Variants in RGS10 observed in about 807,000 individuals in gnomAD.
RGS10 encodes regulator of G-protein signalling 10.
RGS10 carries 11 observed loss-of-function variants against 23.5 expected under a neutral mutation model. The observed-to-expected ratio is 0.47, with a 90% CI of 0.29 to 0.77. RGS10 has a LOEUF of 0.77. Among genes scored for constraint, RGS10 ranks in the 30% least tolerant of loss-of-function variants. The probability of loss-of-function intolerance (pLI) is 0.08; values close to 1 mark genes in which losing one functional copy is unlikely to be tolerated. For synonymous variants in RGS10, 77 were observed against 83.2 expected (o/e 0.92, Z 0.41); for missense variants, 180 against 226.3 (o/e 0.80, Z 1.31).
chr10:119,511,495 T>A (rs980954874), intron 4 of RGS10, among the ~76,000 whole-genome samples: 2 of 152,120 alleles, frequency 1.3e-5, no homozygotes, highest in African/African-American at 4.8e-5. Flanking sequence ...GACATACGCC[T>A]GTAATCCCAG....
At chr10:119,522,954 T>G (rs948925874) in intron 3 of RGS10, among the ~76,000 whole-genome samples, 1 of 151,720 alleles carries the variant, frequency 6.6e-6, no homozygotes, top group Admixed American at 6.6e-5. Context: ...CATACCTCAC[T>G]GCAGCCTTGA....
chr10:119,531,640 C>T (rs903909560), intron 1 of RGS10, among the ~76,000 whole-genome samples: 1 of 152,150 alleles, frequency 6.6e-6, no homozygotes, highest in Non-Finnish European at 1.5e-5. Flanking sequence ...CCACCTCCCC[C>T]ACCACCTCAT....
chr10:119,506,046 G>A (rs919016489), intron 4 of RGS10, among the ~76,000 whole-genome samples: 3 of 152,188 alleles, frequency 2.0e-5, no homozygotes, highest in Non-Finnish European at 4.4e-5. Flanking sequence ...TCTAGAATGC[G>A]TCCTCTCTTC....
chr10:119,534,098 T>C (rs994982626), intron 1 of RGS10, among the ~76,000 whole-genome samples: 1 of 149,900 alleles, frequency 6.7e-6, no homozygotes, highest in African/African-American at 2.5e-5. Flanking sequence ...CTACAAAAAA[T>C]ACAAAAATTA....
chr10:119,533,289 G>A (rs1257518596), intron 1 of RGS10, among the ~76,000 whole-genome samples: 1 of 150,734 alleles, frequency 6.6e-6, no homozygotes, highest in African/African-American at 2.4e-5. Flanking sequence ...CTGAGATTGC[G>A]CCACTGCACT....
intron 3 of RGS10, among the ~76,000 whole-genome samples, chr10:119,520,775 G>A (rs1401470642): frequency 6.8e-6 from 1 of 146,428 alleles, no homozygotes; most frequent in Non-Finnish European, 1.5e-5. Context: ...AACTCAATAG[G>A]AGGATCTGAA....
intron 2 of RGS10, among the ~76,000 whole-genome samples, chr10:119,526,948 A>G (rs2133956642): frequency 6.6e-6 from 1 of 152,140 alleles, no homozygotes; most frequent in East Asian, 1.9e-4. Context: ...ATGCATTCTG[A>G]GAATCCCCCA....
intron 4 of RGS10, among the ~76,000 whole-genome samples, chr10:119,509,196 A>G (rs1012168506): frequency 4.6e-5 from 7 of 152,242 alleles, no homozygotes; most frequent in African/African-American, 1.7e-4. Context: ...TCAGGAGTTC[A>G]TAAATACCTT....
chr10:119,525,714 T>A (rs1483178474), intron 3 of RGS10, among the ~76,000 whole-genome samples: 1 of 152,216 alleles, frequency 6.6e-6, no homozygotes, highest in Non-Finnish European at 1.5e-5. Context: ...TCCAAAATGC[T>A]AACATGTCAA....
At chr10:119,537,742 G>A (rs1172414149) in intron 1 of RGS10, among the ~76,000 whole-genome samples, 1 of 152,170 alleles carries the variant, frequency 6.6e-6, no homozygotes, top group African/African-American at 2.4e-5. Flanking sequence ...TTCTTCACTA[G>A]TCCACAAATA....
chr10:119,519,201 C>T (rs1416294272), intron 3 of RGS10, among the ~76,000 whole-genome samples: 3 of 152,282 alleles, frequency 2.0e-5, no homozygotes, highest in African/African-American at 4.8e-5. Flanking sequence ...CTCAGCATTG[C>T]GACTTTCTTC....
intron 3 of RGS10, among the ~76,000 whole-genome samples, chr10:119,523,426 A>G (rs1215486018): frequency 6.6e-6 from 1 of 152,212 alleles, no homozygotes; most frequent in Non-Finnish European, 1.5e-5. Flanking sequence ...GCACTTTGGA[A>G]GGCCAAGACA....
At chr10:119,502,203 G>A (rs7901864) in intron 4 of RGS10, among the ~76,000 whole-genome samples, 14,849 of 152,076 alleles carry the variant, frequency 0.098, 950 homozygotes, top group East Asian at 0.18. Flanking sequence ...GGTGGGGGAT[G>A]AGAAACGCCA....
At chr10:119,519,815 C>T (rs561644752) in intron 3 of RGS10, among the ~76,000 whole-genome samples, 26 of 152,208 alleles carry the variant, frequency 1.7e-4, no homozygotes, top group Non-Finnish European at 3.2e-4. Context: ...CTGTCCCCTC[C>T]GTGAATTCTG....
At chr10:119,540,214 T>TCTTC (rs950734974) in intron 1 of RGS10, among the ~76,000 whole-genome samples, 4 of 151,908 alleles carry the variant, frequency 2.6e-5, no homozygotes, top group Non-Finnish European at 5.9e-5. Flanking sequence ...TAGTGGCTGA[T>TCTTC]CTTCCTTCCT....
At chr10:119,526,333 A>G (rs1844272446) in intron 2 of RGS10, among the ~76,000 whole-genome samples, 1 of 152,236 alleles carries the variant, frequency 6.6e-6, no homozygotes, top group African/African-American at 2.4e-5. Flanking sequence ...TGACATTGTA[A>G]AGAAGAGTAC....
Position 119,517,691 on chromosome 10 carries a change from C to A in RGS10, c.256-2039G>T, listed in dbSNP as rs776668262. Among the ~76,000 whole-genome samples the A allele has an allele frequency of 6.6e-6, 1 of 152,156 alleles. No homozygotes were observed. The highest frequency in any genetic ancestry group is 2.4e-5 in the African/African-American group (1 of 41,422). On this transcript the variant is annotated intron_variant, in intron 3 of 4. Coordinates refer to ENST00000369103, the MANE Select transcript of RGS10 (RefSeq NM_001005339.2). This position sits in a 1 kb window ranked among gnomAD's most constrained non-coding sequence, Gnocchi z 5.0. ...TCACACGCACACACACACGCACACA[C>A]GTGCACACACGCACACACATACACA...
At chr10:119,515,803 G>T (rs182070022) in intron 3 of RGS10, 151 bp from the exon 4 acceptor site, 9 of 872,442 alleles carry the variant, frequency 1.0e-5, no homozygotes, top group Non-Finnish European at 1.5e-5. Flanking sequence ...ACTCCAGAGA[G>T]AATTTCTATA....
intron 4 of RGS10, among the ~76,000 whole-genome samples, chr10:119,513,819 A>G (rs539595319): frequency 4.6e-5 from 7 of 152,282 alleles, no homozygotes; most frequent in African/African-American, 1.7e-4. Flanking sequence ...GCTGCCCAGG[A>G]GCCTGGCAGA....
Sources: gnomAD v4.1 joint callset for allele counts (sites outside exome capture counted in the v4.1 genomes callset) on GRCh38, gnomAD v4.1.1 for gene constraint, Gnocchi (gnomAD v3.1) non-coding constraint, MANE v1.5 for transcripts, NCBI Gene and HGNC (gene_info 2026-07-23, HGNC 2026-07-21) for gene names.